The following IQCM variants were observed in gnomAD, a reference collection of about 807,000 sequenced individuals.
IQCM encodes IQ domain-containing protein M.
Under a neutral mutation model 57.6 loss-of-function variants are expected in IQCM, and 45 were observed. That is an observed-to-expected ratio of 0.78 (90% CI 0.62 to 1.00). The LOEUF (loss-of-function observed/expected upper bound fraction) is 1.00, where lower values mean the gene tolerates loss of function less well. IQCM is among the 50% of genes least tolerant of loss of function. IQCM has a pLI of 0.00. For missense variants in IQCM, 468 were observed against 511.6 expected, an observed-to-expected ratio of 0.91 and a Z score of 0.82; for synonymous variants, 148 against 158.9, an observed-to-expected ratio of 0.93 and a Z score of 0.51.
intron 2 of IQCM, among the ~76,000 whole-genome samples, chr4:149,763,971 A>T (rs1379748849): frequency 2.6e-5 from 4 of 151,900 alleles, no homozygotes; most frequent in Admixed American, 1.3e-4. Context: ...AGATGCATTT[A>T]AAAAAAACAA....
chr4:149,560,505 C>T (rs143570148), intron 10 of IQCM, among the ~76,000 whole-genome samples: 4 of 152,118 alleles, frequency 2.6e-5, no homozygotes, highest in African/African-American at 7.2e-5. Context: ...AGCATTACAT[C>T]GAGGGACATA....
chr4:149,450,671 C>T (rs1373556250), intron 12 of IQCM, among the ~76,000 whole-genome samples: 3 of 151,680 alleles, frequency 2.0e-5, no homozygotes, highest in Admixed American at 1.3e-4. Flanking sequence ...ATAATCTCAT[C>T]TTAGATAAAA....
chr4:149,356,564 G>A (rs1729002470), intron 13 of IQCM, among the ~76,000 whole-genome samples: 1 of 152,052 alleles, frequency 6.6e-6, no homozygotes, highest in African/African-American at 2.4e-5. Flanking sequence ...TAGATATGCG[G>A]CATTATTTCT....
intron 2 of IQCM, 111 bp from the exon 3 acceptor site, chr4:149,742,850 C>T: frequency 2.3e-6 from 1 of 429,180 alleles, no homozygotes. Flanking sequence ...TTTTATATGT[C>T]ATTTCTGTGC....
chr4:149,433,506 A>T lies in IQCM; in HGVS notation c.1280T>A (p.Met427Lys). 8.3e-7 allele frequency: 1 copy of T among 1,203,350 alleles called. No individual in the cohort carries two copies. The highest frequency in any genetic ancestry group is 1.0e-6 in the Non-Finnish European group (1 of 962,182). 74.5% of individuals were successfully genotyped at this position (1,203,350 alleles called of 1,614,324 possible). A position where few individuals can be genotyped will look rare whatever the true frequency, so the allele number is the denominator to read the frequency against. ...ELIKKSKAIE[M>K]LFTLYPPEGA... ...TTCAGGAGGATAGAGTGTAAATAAC[A>T]TTTCAATTGCTTTGGACTTTTTGAT... Residue 427 changes from methionine (M) to lysine (K), a missense_variant, in exon 13 of 14, where the codon ATG (methionine) becomes AAG (lysine). Met to Lys is a moderately conservative substitution (Grantham distance 95). Coordinates refer to ENST00000636793, the MANE Select transcript of IQCM (RefSeq NM_001363507.2).
At chr4:149,621,315 A>T (rs1481491094) in intron 7 of IQCM, 71 bp from the exon 8 acceptor site, 3 of 639,922 alleles carry the variant, frequency 4.7e-6, no homozygotes, top group Non-Finnish European at 6.7e-6. Flanking sequence ...ATATTGCTTA[A>T]TGTTGCAAAG....
chr4:149,741,403 G>A (rs1478551763), intron 3 of IQCM, among the ~76,000 whole-genome samples: 1 of 152,194 alleles, frequency 6.6e-6, no homozygotes, highest in African/African-American at 2.4e-5. Context: ...CTAAGGAGAT[G>A]TAGGGAAATG....
At chr4:149,352,373 T>G (rs1024854808) in intron 13 of IQCM, among the ~76,000 whole-genome samples, 5 of 152,170 alleles carry the variant, frequency 3.3e-5, no homozygotes, top group Non-Finnish European at 5.9e-5. Flanking sequence ...TTCAAGGAAC[T>G]GCAGATAAAA....
chr4:149,724,427 G>T (rs1765711995), intron 5 of IQCM, among the ~76,000 whole-genome samples: 3 of 151,738 alleles, frequency 2.0e-5, no homozygotes, highest in Admixed American at 2.0e-4. Flanking sequence ...TAAAGGAAAA[G>T]ATTTGTGATT....
intron 8 of IQCM, among the ~76,000 whole-genome samples, chr4:149,593,577 G>C (rs1753437619): frequency 1.3e-5 from 2 of 152,106 alleles, no homozygotes; most frequent in Admixed American, 1.3e-4. Flanking sequence ...CATTCAGTAT[G>C]ATATTGGCTG....
chr4:149,436,148 A>G (rs534153524), intron 12 of IQCM, among the ~76,000 whole-genome samples: 32 of 152,244 alleles, frequency 2.1e-4, no homozygotes, highest in Admixed American at 7.9e-4. Flanking sequence ...TAAGTGCCCT[A>G]TATAGGTGTA....
chr4:149,784,522 TCTC>T (rs1299548652), intron 2 of IQCM, among the ~76,000 whole-genome samples: 3 of 152,140 alleles, frequency 2.0e-5, no homozygotes, highest in Non-Finnish European at 4.4e-5. Flanking sequence ...TTCACGCCAT[TCTC>T]CTGCCTCAGC....
At chr4:149,753,658 C>A (rs371578688) in intron 2 of IQCM, among the ~76,000 whole-genome samples, 1 of 150,808 alleles carries the variant, frequency 6.6e-6, no homozygotes, top group African/African-American at 2.4e-5. Flanking sequence ...TGCAGCACAC[C>A]AACATGGCTC....
intron 12 of IQCM, among the ~76,000 whole-genome samples, chr4:149,439,223 A>G (rs1017916161): frequency 6.6e-6 from 1 of 152,078 alleles, no homozygotes; most frequent in South Asian, 2.1e-4. Context: ...TAATCAAACT[A>G]CAGTTAGTTC....
chr4:149,447,520 G>A (rs1242544601), intron 12 of IQCM, among the ~76,000 whole-genome samples: 2 of 151,394 alleles, frequency 1.3e-5, no homozygotes, highest in East Asian at 1.9e-4. Flanking sequence ...ACAGTTGATG[G>A]GATTAATGGC....
At chr4:149,734,559 A>G (rs1260668945) in intron 4 of IQCM, among the ~76,000 whole-genome samples, 1 of 152,204 alleles carries the variant, frequency 6.6e-6, no homozygotes, top group African/African-American at 2.4e-5. Context: ...TGCAAGAAAT[A>G]TTGAAAAATA....
At chr4:149,737,457 T>C (rs371676150) in intron 3 of IQCM, among the ~76,000 whole-genome samples, 4 of 152,220 alleles carry the variant, frequency 2.6e-5, no homozygotes, top group South Asian at 4.1e-4. Flanking sequence ...AACTTGGTAG[T>C]AAGTATATGG....
intron 7 of IQCM, among the ~76,000 whole-genome samples, chr4:149,647,246 C>T (rs1758725087): frequency 6.6e-6 from 1 of 152,114 alleles, no homozygotes; most frequent in African/African-American, 2.4e-5. Flanking sequence ...TATGTTAATG[C>T]ATAGATAATT....
intron 12 of IQCM, among the ~76,000 whole-genome samples, chr4:149,519,227 T>G (rs566674170): frequency 6.6e-6 from 1 of 152,162 alleles, no homozygotes; most frequent in South Asian, 2.1e-4. Flanking sequence ...GTTTAGTGAG[T>G]GTTTGACTGT....
Sources: allele counts gnomAD v4.1 joint callset (sites outside exome capture counted in the v4.1 genomes callset), GRCh38; gene constraint gnomAD v4.1.1; transcripts MANE v1.5; gene names NCBI Gene and HGNC (gene_info 2026-07-23, HGNC 2026-07-21).